DMD: variants seen among roughly 807,000 people sequenced by gnomAD.
DMD encodes dystrophin.
Under a neutral mutation model 330.1 loss-of-function variants are expected in DMD, and 63 were observed. The ratio of observed to expected loss-of-function variants is 0.19; its 90% CI spans 0.16 to 0.24. DMD has a LOEUF of 0.24. Among genes scored for constraint, DMD ranks in the 10% least tolerant of loss-of-function variants. The pLI, the probability that DMD is intolerant of heterozygous loss-of-function variation, is 1.00. For synonymous variants in DMD, 1,223 were observed against 959.8 expected, an observed-to-expected ratio of 1.27 and a Z score of -5.07; for missense variants, 3,344 against 2,684.1, an observed-to-expected ratio of 1.25 and a Z score of -5.43.
intron 44 of DMD, among the ~76,000 whole-genome samples, chrX:32,157,131 G>C (rs1208132802): frequency 8.9e-6 from 1 of 112,382 alleles, no homozygotes; most frequent in Non-Finnish European, 1.9e-5. Context: ...AAAACAGGAA[G>C]TTAATACCTA....
chrX:31,931,934 A>G (rs890199406), intron 46 of DMD, 146 bp downstream of exon 46: 2 of 628,662 alleles, frequency 3.2e-6, no homozygotes, highest in African/African-American at 2.2e-5. Flanking sequence ...CTGCAGGGTT[A>G]AGAAGAAATA....
intron 1 of DMD, among the ~76,000 whole-genome samples, chrX:33,067,103 T>TTCC (rs2094675150): frequency 8.9e-6 from 1 of 112,064 alleles, no homozygotes; most frequent in African/African-American, 3.2e-5. Flanking sequence ...AAATAAGCAA[T>TTCC]TCCTGTTCAG....
At chrX:32,826,982 AAT>A (rs557445951) in intron 4 of DMD, among the ~76,000 whole-genome samples, 2 of 109,678 alleles carry the variant, frequency 1.8e-5, no homozygotes, top group Non-Finnish European at 3.8e-5. Flanking sequence ...AAAAATAAAA[AAT>A]AGTTATATGG....
intron 1 of DMD, among the ~76,000 whole-genome samples, chrX:33,221,245 G>C (rs985014556): frequency 9.0e-6 from 1 of 111,509 alleles, no homozygotes; most frequent in African/African-American, 3.3e-5. Context: ...CCCTCAAATA[G>C]ATTATACCTT....
At chrX:32,867,467 C>G (rs951646699) in intron 2 of DMD, among the ~76,000 whole-genome samples, 4 of 111,694 alleles carry the variant, frequency 3.6e-5, no homozygotes, top group African/African-American at 1.3e-4. Flanking sequence ...TTTAAAATTG[C>G]CCTATGAGAA....
chrX:31,639,420 A>G (rs1462927106), intron 54 of DMD, among the ~76,000 whole-genome samples: 3 of 112,062 alleles, frequency 2.7e-5, no homozygotes, highest in Non-Finnish European at 3.8e-5. Flanking sequence ...TAAACATAAG[A>G]TATTTTCCTC....
chrX:31,353,749 C>A (rs775283301), intron 60 of DMD, among the ~76,000 whole-genome samples: 1 of 111,300 alleles, frequency 9.0e-6, no homozygotes, highest in South Asian at 3.8e-4. Context: ...TAGAGATGAA[C>A]AATTTGTCTC....
At chrX:31,285,556 G>C (rs1263103211) in intron 62 of DMD, among the ~76,000 whole-genome samples, 1 of 112,095 alleles carries the variant, frequency 8.9e-6, no homozygotes, top group Non-Finnish European at 1.9e-5. Flanking sequence ...AGGGTTCACA[G>C]TCTTAAAATG....
chrX:32,326,435 C>G (rs2097651099), intron 41 of DMD, among the ~76,000 whole-genome samples: 1 of 112,241 alleles, frequency 8.9e-6, no homozygotes, highest in Non-Finnish European at 1.9e-5. Context: ...TAACATATAG[C>G]ATAGCTACAT....
chrX:32,544,720 T>A (rs2048803405), intron 17 of DMD, among the ~76,000 whole-genome samples: 3 of 110,468 alleles, frequency 2.7e-5, no homozygotes, highest in South Asian at 3.8e-4. Context: ...CATGTTCTCG[T>A]AAACTACCAG....
chrX:31,876,962 T>A (rs2093977828), intron 47 of DMD, among the ~76,000 whole-genome samples: 1 of 111,240 alleles, frequency 9.0e-6, no homozygotes, highest in Non-Finnish European at 1.9e-5. Context: ...ATTTTAAAAA[T>A]AAACTAGATA....
chrX:31,548,934 AT>A (rs202044457), intron 55 of DMD, among the ~76,000 whole-genome samples: 28 of 109,173 alleles, frequency 2.6e-4, no homozygotes, highest in South Asian at 3.9e-4. Context: ...AACATAACTG[AT>A]TTTTTTTAAA....
chrX:32,702,855 G>A (rs1314790614), intron 7 of DMD, among the ~76,000 whole-genome samples: 1 of 111,366 alleles, frequency 9.0e-6, no homozygotes, highest in African/African-American at 3.3e-5. Flanking sequence ...AAAGTTATGT[G>A]CTACAGCCTT....
In DMD at chrX:31,821,980, C is replaced by T. The variant is rs777706522; in HGVS notation, c.7201-1897G>A. ...TTTAATGCTAATCATTAATTTAATG[C>T]GAATCATTTCAATGAAACCATTACT... On this transcript the variant is annotated intron_variant, in intron 49 of 78. Transcript: ENST00000357033. 4.5e-5 allele frequency among the ~76,000 whole-genome samples: 5 copies of T among 111,905 alleles called. No homozygotes were observed. The South Asian group carries it at 1.5e-3, about 33-fold the overall frequency.
intron 29 of DMD, chrX:32,412,319 G>T (rs1160496829): frequency 2.9e-5 from 21 of 716,236 alleles, no homozygotes; most frequent in Non-Finnish European, 4.0e-5. Flanking sequence ...ATTCAAGACA[G>T]ATAATCTGCT....
At chrX:32,341,922 A>T (rs2097745187) in intron 41 of DMD, among the ~76,000 whole-genome samples, 178 bp downstream of exon 41, 1 of 111,338 alleles carries the variant, frequency 9.0e-6, no homozygotes, top group Admixed American at 9.6e-5. Context: ...TTTAATTGGC[A>T]AAATTAAGCA....
intron 1 of DMD, among the ~76,000 whole-genome samples, chrX:33,163,576 G>C (rs12013593): frequency 1.4e-4 from 13 of 90,616 alleles, no homozygotes; most frequent in African/African-American, 7.2e-4. Flanking sequence ...ATATATATAT[G>C]TATATGTGTA....
chrX:31,943,854 G>A (rs900001303), intron 45 of DMD, among the ~76,000 whole-genome samples: 9 of 88,759 alleles, frequency 1.0e-4, no homozygotes, highest in Admixed American at 1.4e-4. Context: ...ATATAGAGAC[G>A]GAAACCCGAA....
intron 16 of DMD, among the ~76,000 whole-genome samples, chrX:32,562,542 T>A (rs1215069390): frequency 8.9e-6 from 1 of 112,821 alleles, no homozygotes; most frequent in Non-Finnish European, 1.9e-5. Flanking sequence ...CTTTGCTCAT[T>A]CTTTATACTA....
Sources: gnomAD v4.1 joint callset for allele counts (sites outside exome capture counted in the v4.1 genomes callset) on GRCh38, gnomAD v4.1.1 for gene constraint, MANE v1.5 for transcripts, NCBI Gene and HGNC (gene_info 2026-07-23, HGNC 2026-07-21) for gene names.